FBLN7: variants seen among roughly 807,000 people sequenced by gnomAD.
FBLN7 encodes fibulin 7.
In FBLN7, 31 loss-of-function variants were observed where a neutral mutation model predicts 44.0. The ratio of observed to expected loss-of-function variants is 0.70; its 90% CI spans 0.53 to 0.95. FBLN7 has a LOEUF of 0.95. FBLN7 is among the 40% of genes least tolerant of loss of function. The pLI is 0.00. For synonymous variants in FBLN7, 262 were observed against 253.4 expected (o/e 1.03, Z -0.32); for missense variants, 573 against 618.5 (o/e 0.93, Z 0.78).
At chr2:112,236,707 A>G in the FBLN7 span, 2 of 1,586,798 alleles carry the variant, frequency 1.3e-6, no homozygotes, top group Non-Finnish European at 8.6e-7. Context: ...TAAAAACAAA[A>G]AATTAATTTA....
intron 1 of FBLN7, among the ~76,000 whole-genome samples, chr2:112,139,954 CACG>C (rs1680546384): frequency 1.3e-5 from 1 of 77,058 alleles, no homozygotes. Context: ...CGCCTCTCTC[CACG>C]CCAGTGTCCC....
chr2:112,188,670 T>C (rs1475583531), downstream of FBLN7: 2 of 152,230 alleles, frequency 1.3e-5, no homozygotes, highest in African/African-American at 2.4e-5. Flanking sequence ...ATATTTTATT[T>C]AAATCTTTGT....
intron 2 of FBLN7, among the ~76,000 whole-genome samples, chr2:112,160,738 GCACACA>G (rs3080965): frequency 1.5e-5 from 2 of 135,238 alleles, no homozygotes; most frequent in South Asian, 2.4e-4. Context: ...GCACGCACAC[GCACACA>G]CGCGCACGCA....
intron 2 of FBLN7, among the ~76,000 whole-genome samples, chr2:112,160,084 G>T (rs1044431641): frequency 6.6e-6 from 1 of 151,804 alleles, no homozygotes; most frequent in Non-Finnish European, 1.5e-5. Context: ...TCCGCCTCCC[G>T]GGTTCACGCC....
the FBLN7 span, among the ~76,000 whole-genome samples, chr2:112,239,696 TGCCTCA>T: frequency 1.3e-3 from 192 of 150,536 alleles, 2 homozygotes; most frequent in South Asian, 0.016. Context: ...GCGATTCCCT[TGCCTCA>T]GCCTCCCGAG....
chr2:112,144,816 T>G (rs552113752), intron 1 of FBLN7, among the ~76,000 whole-genome samples: 3 of 152,338 alleles, frequency 2.0e-5, no homozygotes, highest in Non-Finnish European at 4.4e-5. Flanking sequence ...TGAGCCACCG[T>G]GCCTGGCCTC....
intron 3 of FBLN7, among the ~76,000 whole-genome samples, chr2:112,170,057 A>G (rs1312378948): frequency 6.7e-6 from 1 of 150,320 alleles, no homozygotes; most frequent in Non-Finnish European, 1.5e-5. Context: ...CCTGGCCAAC[A>G]TGGTGAAACC....
intron 4 of FBLN7, among the ~76,000 whole-genome samples, chr2:112,181,411 C>T (rs1682983630): frequency 6.6e-6 from 1 of 152,060 alleles, no homozygotes; most frequent in South Asian, 2.1e-4. Context: ...CTCTAGTGAT[C>T]ACCGTTAGAA....
chr2:112,241,340 C>T, the FBLN7 span, among the ~76,000 whole-genome samples: 1 of 152,136 alleles, frequency 6.6e-6, no homozygotes, highest in Non-Finnish European at 1.5e-5. Context: ...CATGGAGGTA[C>T]TAAATCTTCC....
intron 2 of FBLN7, among the ~76,000 whole-genome samples, chr2:112,160,638 ACACACACGCGCACG>A (rs1299903887): frequency 5.5e-5 from 8 of 146,368 alleles, no homozygotes; most frequent in South Asian, 4.3e-4. Flanking sequence ...CTGTGCGTGC[ACACACACGCGCACG>A]CACACGCGCA....
chr2:112,233,229 T>A, the FBLN7 span: 2 of 1,422,936 alleles, frequency 1.4e-6, no homozygotes, highest in Non-Finnish European at 1.9e-6. Flanking sequence ...TAAATATTTA[T>A]AAAGTCACCA....
chr2:112,167,025 C>T (rs1456876492), intron 3 of FBLN7, among the ~76,000 whole-genome samples: 2 of 152,234 alleles, frequency 1.3e-5, no homozygotes, highest in Admixed American at 1.3e-4. Context: ...TGGCTTCAGG[C>T]TCGCTTTGAA....
chr2:112,192,825 C>T (rs755540912), downstream of FBLN7, among the ~76,000 whole-genome samples: 4 of 152,178 alleles, frequency 2.6e-5, no homozygotes, highest in Admixed American at 1.3e-4. Context: ...TTATGAGCTG[C>T]GTGAATATTC....
chr2:112,194,359 G>A, the FBLN7 span, among the ~76,000 whole-genome samples: 1 of 152,168 alleles, frequency 6.6e-6, no homozygotes, highest in Non-Finnish European at 1.5e-5. Flanking sequence ...CTGAGGCAGT[G>A]GTTGGTGGAA....
intron 3 of FBLN7, among the ~76,000 whole-genome samples, chr2:112,173,359 A>G (rs1042234019): frequency 1.6e-4 from 24 of 152,232 alleles, no homozygotes; most frequent in Admixed American, 1.4e-3. Flanking sequence ...GATAAAAACT[A>G]TAACCTAGAG....
At position 112,184,674 on chromosome 2, in the gene FBLN7, C is replaced by CTTATATGGTGTATATATGGTATATATA. The variant is rs1683160700; in HGVS notation, c.809-526_809-525insTATATGGTGTATATATGGTATATATAT. Among the ~76,000 whole-genome samples the CTTATATGGTGTATATATGGTATATATA allele has an allele frequency of 1.0e-4, 4 of 39,138 alleles. 1 individual carries two copies. Among genetic ancestry groups the CTTATATGGTGTATATATGGTATATATA allele is most frequent in the Admixed American group, 9.7e-4 (4 of 4,112 alleles). 25.7% of individuals were successfully genotyped at this position (39,138 alleles called of 152,430 possible). On this transcript the variant is annotated intron_variant, in intron 6 of 7. Coordinates refer to ENST00000331203, the MANE Select transcript of FBLN7 (RefSeq NM_153214.3). ...TATATAGGTATATGGTATATATATG[C>CTTATATGGTGTATATATGGTATATATA]TGTATATGGTGTATATATGGTATAT... is the stretch of plus-strand genomic sequence containing the variant.
Position 112,160,650 on chromosome 2 carries a change from ACGCACACGCG to A in FBLN7, c.235+817_235+826del, listed in dbSNP as rs1489601186. On this transcript the variant is annotated intron_variant, in intron 2 of 7. Coordinates refer to ENST00000331203, the MANE Select transcript of FBLN7 (RefSeq NM_153214.3). Reference sequence around the variant, plus strand: ...CCTCTGTGCGTGCACACACACGCGCACGCACACGCGCACGCACACGCACACGCAGACGCAC... The same window carrying A: ...CCTCTGTGCGTGCACACACACGCGCACACGCACACGCACACGCAGACGCAC... Among the ~76,000 whole-genome samples, 24 of 5,208 alleles carry A rather than the reference ACGCACACGCG, an allele frequency of 4.6e-3. No individual in the cohort carries two copies. In the East Asian group the frequency reaches 0.069, roughly 15 times the overall value. The allele number at this position is 5,208 out of a possible 152,430, so 3.4% of individuals were successfully genotyped here.
chr2:112,145,459 A>G (rs559865383), intron 1 of FBLN7, among the ~76,000 whole-genome samples: 3 of 152,220 alleles, frequency 2.0e-5, no homozygotes, highest in African/African-American at 7.2e-5. Context: ...CTCTTTATAT[A>G]TTCTAAATAC....
rs766308453 is a variant in FBLN7 at position 112,175,785 on chromosome 2, T to C, written c.478T>C (p.Cys160Arg). ...TGTAGAAGGAGTCAACCAGTACAGATGCATTTGTCCTCCAGGAAGGACTGG... is the reference window on the plus strand; with the variant it reads ...TGTAGAAGGAGTCAACCAGTACAGACGCATTTGTCCTCCAGGAAGGACTGG... ...TCVEGVNQYR[C>R]ICPPGRTGNR... is the part of the protein sequence containing the mutation. Residue 160 changes from cysteine (C) to arginine (R), a missense_variant, in exon 4 of 8, where the codon TGC becomes CGC. Coordinates refer to ENST00000331203, the MANE Select transcript of FBLN7 (RefSeq NM_153214.3). 7 of 1,614,224 alleles carry C rather than the reference T, an allele frequency of 4.3e-6. No individual in the cohort carries two copies. The highest frequency in any genetic ancestry group is 5.1e-6 in the Non-Finnish European group (6 of 1,180,030).
Sources: gnomAD v4.1 joint callset for allele counts (sites outside exome capture counted in the v4.1 genomes callset) on GRCh38, gnomAD v4.1.1 for gene constraint, MANE v1.5 for transcripts, NCBI Gene and HGNC (gene_info 2026-07-23, HGNC 2026-07-21) for gene names.